VAV2: variants seen among roughly 807,000 people sequenced by gnomAD.
VAV2 encodes the protein guanine nucleotide exchange factor VAV2.
Under a neutral mutation model 132.5 loss-of-function variants are expected in VAV2, and 67 were observed. The observed-to-expected ratio is 0.51, with a 90% CI of 0.42 to 0.62. The LOEUF is 0.62. Among genes scored for constraint, VAV2 ranks in the 20% least tolerant of loss-of-function variants. VAV2 has a pLI of 0.00. For synonymous variants in VAV2, 492 were observed against 443.5 expected (o/e 1.11, Z -1.37); for missense variants, 938 against 1,153.6 (o/e 0.81, Z 2.71).
intron 9 of VAV2, among the ~76,000 whole-genome samples, 173 bp from the exon 10 acceptor site, chr9:133,797,982 C>T (rs889256759): frequency 6.6e-6 from 1 of 152,234 alleles, no homozygotes; most frequent in African/African-American, 2.4e-5. Context: ...CTCTCCCCTT[C>T]CCGAAGCTAC....
chr9:133,847,049 A>G (rs1243618311), intron 3 of VAV2, among the ~76,000 whole-genome samples: 1 of 152,146 alleles, frequency 6.6e-6, no homozygotes, highest in African/African-American at 2.4e-5. Flanking sequence ...GGGCTGGGCG[A>G]GGGCCAGCTG....
At chr9:133,915,532 T>A (rs898245168) in intron 2 of VAV2, among the ~76,000 whole-genome samples, 2 of 152,206 alleles carry the variant, frequency 1.3e-5, no homozygotes, top group Non-Finnish European at 2.9e-5. Flanking sequence ...CTGGGCCCCT[T>A]GTCTCCATGG....
rs903479263 is a variant in VAV2 at position 133,961,529 on chromosome 9, C to G, written c.205-22310G>C. ...AGGCATGGAGGGAGCCCTTTCCCACCCCCCGCTCAACAGGAACACAGCTGC... is the reference window on the plus strand; with the variant it reads ...AGGCATGGAGGGAGCCCTTTCCCACGCCCCGCTCAACAGGAACACAGCTGC... On this transcript the variant is annotated intron_variant, in intron 1 of 29. Coordinates refer to ENST00000371850, the MANE Select transcript of VAV2 (RefSeq NM_001134398.2). This position sits in a 1 kb window ranked among gnomAD's most constrained non-coding sequence, Gnocchi z 4.1. Among the ~76,000 whole-genome samples, 1 of 152,184 alleles carries G rather than the reference C, an allele frequency of 6.6e-6. No homozygotes were observed. Among genetic ancestry groups the G allele is most frequent in the Admixed American group, 6.5e-5 (1 of 15,280 alleles).
At chr9:133,778,947 G>C in intron 21 of VAV2, 58 bp from the exon 22 acceptor site, 1 of 1,586,934 alleles carries the variant, frequency 6.3e-7, no homozygotes, top group Non-Finnish European at 8.6e-7. Flanking sequence ...TGACTGACTT[G>C]GCCCCGGCCC....
chr9:133,952,083 A>C (rs1427396707), intron 1 of VAV2, among the ~76,000 whole-genome samples: 1 of 151,942 alleles, frequency 6.6e-6, no homozygotes, highest in African/African-American at 2.4e-5. Context: ...CGCTCTTACG[A>C]CCTCATCTAA....
At chr9:133,895,256 GA>G (rs1839151952) in intron 2 of VAV2, among the ~76,000 whole-genome samples, 1 of 151,882 alleles carries the variant, frequency 6.6e-6, no homozygotes, top group Non-Finnish European at 1.5e-5. Context: ...GAGAATTAAA[GA>G]CACAGTTATA....
At chr9:133,887,670 A>G (rs972240173) in intron 2 of VAV2, among the ~76,000 whole-genome samples, 16 of 152,012 alleles carry the variant, frequency 1.1e-4, no homozygotes, top group Non-Finnish European at 1.9e-4. Context: ...CCAGCACCCC[A>G]GGGACATCAG....
At chr9:133,979,114 C>T (rs1290079918) in intron 1 of VAV2, among the ~76,000 whole-genome samples, 1 of 152,204 alleles carries the variant, frequency 6.6e-6, no homozygotes, top group East Asian at 1.9e-4. Context: ...GAAGAGCTTT[C>T]GTGCCAGGGG....
intron 4 of VAV2, among the ~76,000 whole-genome samples, chr9:133,818,147 G>A (rs1299070072): frequency 6.6e-6 from 1 of 152,122 alleles, no homozygotes; most frequent in African/African-American, 2.4e-5. Context: ...GGCAGATCAC[G>A]AGGTCAGGAG....
chr9:133,774,502 C>A (rs1833741954), intron 25 of VAV2, among the ~76,000 whole-genome samples: 1 of 152,198 alleles, frequency 6.6e-6, no homozygotes, highest in African/African-American at 2.4e-5. Context: ...TGTGCCAAAG[C>A]CGCAAGGCAG....
intron 1 of VAV2, among the ~76,000 whole-genome samples, chr9:133,984,510 G>A (rs1426779736): frequency 6.6e-6 from 1 of 152,096 alleles, no homozygotes; most frequent in African/African-American, 2.4e-5. Flanking sequence ...CTACTTGGGA[G>A]GCTGTAGTGA....
intron 1 of VAV2, among the ~76,000 whole-genome samples, chr9:133,957,139 GC>G (rs1393363789): frequency 6.6e-6 from 1 of 152,158 alleles, no homozygotes; most frequent in Non-Finnish European, 1.5e-5. Flanking sequence ...GATCGTCCCT[GC>G]TTTACCAGGT....
intron 1 of VAV2, among the ~76,000 whole-genome samples, chr9:133,942,028 G>A (rs1198536742): frequency 6.6e-6 from 1 of 152,234 alleles, no homozygotes; most frequent in Non-Finnish European, 1.5e-5. Context: ...TGCTTGGGAA[G>A]ACCAGAGAGT....
At chr9:133,819,876 G>A (rs537936821) in intron 4 of VAV2, among the ~76,000 whole-genome samples, 16 of 152,106 alleles carry the variant, frequency 1.1e-4, no homozygotes, top group African/African-American at 2.7e-4. Flanking sequence ...TAAAGGGAAC[G>A]GTAAAGAAGT....
At chr9:133,979,664 A>G (rs435943) in intron 1 of VAV2, among the ~76,000 whole-genome samples, 56,372 of 152,160 alleles carry the variant, frequency 0.37, 10,902 homozygotes, top group Middle Eastern at 0.45. Context: ...GCCATGTCCC[A>G]GAGCCCCACC....
In VAV2 at chr9:133,779,942, G is replaced by A; in HGVS notation, c.1741-3C>T. On this transcript the variant is annotated splice_region_variant and splice_polypyrimidine_tract_variant and intron_variant, in intron 20 of 29. Coordinates refer to ENST00000371850, the MANE Select transcript of VAV2 (RefSeq NM_001134398.2). ...CCTGGTCCCGCTCCGGAGGCGTCCTGTGAGGACAAGGACAGAACACAGAGA... is the reference window on the plus strand; with the variant it reads ...CCTGGTCCCGCTCCGGAGGCGTCCTATGAGGACAAGGACAGAACACAGAGA... 6.2e-7 allele frequency: 1 copy of A among 1,612,596 alleles called. No homozygotes were observed. Among genetic ancestry groups the A allele is most frequent in the Non-Finnish European group, 8.5e-7 (1 of 1,179,744 alleles).
At chr9:133,882,689 C>G (rs925067103) in intron 2 of VAV2, among the ~76,000 whole-genome samples, 3 of 152,146 alleles carry the variant, frequency 2.0e-5, no homozygotes, top group African/African-American at 4.8e-5. Flanking sequence ...TTTGCGGCAC[C>G]AGGTCCGTGA....
chr9:133,845,560 C>T (rs774389684), intron 3 of VAV2, among the ~76,000 whole-genome samples: 3 of 152,142 alleles, frequency 2.0e-5, no homozygotes, highest in Non-Finnish European at 2.9e-5. Context: ...CACTTCCTGC[C>T]GACTTGTCTG....
chr9:133,817,631 T>C (rs1835612643), intron 4 of VAV2, among the ~76,000 whole-genome samples: 1 of 152,098 alleles, frequency 6.6e-6, no homozygotes, highest in Non-Finnish European at 1.5e-5. Flanking sequence ...AATAAAATAA[T>C]AAAGTGCGTA....
Sources: gnomAD v4.1 joint callset for allele counts (sites outside exome capture counted in the v4.1 genomes callset) on GRCh38, gnomAD v4.1.1 for gene constraint, Gnocchi (gnomAD v3.1) non-coding constraint, MANE v1.5 for transcripts, NCBI Gene and HGNC (gene_info 2026-07-23, HGNC 2026-07-21) for gene names.